Variants in PCSK6 observed in about 807,000 individuals in gnomAD.
PCSK6 encodes the protein paired basic amino acid cleaving enzyme 4.
A neutral mutation model predicts 123.3 loss-of-function variants in PCSK6; 85 were observed. The observed-to-expected ratio is 0.69, with a 90% CI of 0.58 to 0.83. The LOEUF (loss-of-function observed/expected upper bound fraction) is 0.83, where lower values mean the gene tolerates loss of function less well. PCSK6 is among the 40% of genes least tolerant of loss of function. PCSK6 has a pLI of 0.00. For synonymous variants in PCSK6, 508 were observed against 516.0 expected (o/e 0.98, Z 0.21); for missense variants, 1,191 against 1,282.3 (o/e 0.93, Z 1.09).
intron 1 of PCSK6, among the ~76,000 whole-genome samples, chr15:101,463,360 C>A (rs868489508): frequency 3.2e-4 from 49 of 152,182 alleles, no homozygotes; most frequent in African/African-American, 1.1e-3. Flanking sequence ...GGAGACTTGT[C>A]AATACAACCT....
intron 9 of PCSK6, among the ~76,000 whole-genome samples, chr15:101,384,696 T>C (rs1007631262): frequency 2.0e-5 from 3 of 152,250 alleles, no homozygotes; most frequent in South Asian, 2.1e-4. Context: ...CTGCCTGAGT[T>C]TGCCCAGAGC....
chr15:101,447,985 C>T (rs2056936570), intron 1 of PCSK6, among the ~76,000 whole-genome samples: 1 of 152,256 alleles, frequency 6.6e-6, no homozygotes, highest in African/African-American at 2.4e-5. Flanking sequence ...CAGTCCTGCT[C>T]AGCCCCGTGT....
chr15:101,322,695 C>T (rs1032236439), intron 17 of PCSK6, 88 bp from the exon 18 acceptor site: 26 of 816,590 alleles, frequency 3.2e-5, no homozygotes, highest in Admixed American at 6.1e-5. Flanking sequence ...CATTTCAAAG[C>T]GGGGGTGCGG....
Position 101,370,415 on chromosome 15 carries a change from G to A in PCSK6, c.1641C>T (p.Ser547=). The A allele has an allele frequency of 6.4e-7, 1 of 1,552,630 alleles. No individual in the cohort carries two copies. The highest frequency in any genetic ancestry group is 8.7e-7 in the Non-Finnish European group (1 of 1,147,512). ...GGTCTCCTCGGCGTGGGTGTGAGAT[G>A]GAGGTGCGAACCACCACGTGCTCCA... The part of the protein sequence containing the change: ...VYLEHVVVRT[S]ISHPRRGDLQ... The change falls in exon 12 of 22, where the codon TCC becomes TCT. Residue 547 remains serine (S), a synonymous_variant. Coordinates refer to ENST00000611716, the MANE Select transcript of PCSK6 (RefSeq NM_002570.5).
At chr15:101,456,140 C>T (rs2057172139) in intron 1 of PCSK6, among the ~76,000 whole-genome samples, 1 of 152,238 alleles carries the variant, frequency 6.6e-6, no homozygotes, top group African/African-American at 2.4e-5. Flanking sequence ...AAAACTTCAG[C>T]AGCACTAATT....
At chr15:101,381,979 C>G (rs3784487) in intron 11 of PCSK6, 113 bp downstream of exon 11, 155,855 of 679,430 alleles carry the variant, frequency 0.23, 18,618 homozygotes, top group Middle Eastern at 0.31. Context: ...ATCGTGCACA[C>G]GCACATGTGC....
intron 12 of PCSK6, among the ~76,000 whole-genome samples, chr15:101,368,858 A>C (rs2041485550): frequency 6.6e-6 from 1 of 152,136 alleles, no homozygotes; most frequent in African/African-American, 2.4e-5. Context: ...AGGACTTTTA[A>C]AATCTTTAAG....
At chr15:101,378,453 C>G (rs2041814875) in intron 11 of PCSK6, among the ~76,000 whole-genome samples, 1 of 152,250 alleles carries the variant, frequency 6.6e-6, no homozygotes. Context: ...GTGATTTCCT[C>G]TCGCCTCTGC....
At chr15:101,340,016 C>G (rs190111970) in intron 13 of PCSK6, among the ~76,000 whole-genome samples, 7 of 152,030 alleles carry the variant, frequency 4.6e-5, no homozygotes, top group Admixed American at 3.9e-4. Flanking sequence ...AACCTTTACT[C>G]AATAAACACA....
intron 6 of PCSK6, among the ~76,000 whole-genome samples, chr15:101,408,670 G>A (rs979855660): frequency 6.6e-6 from 1 of 152,186 alleles, no homozygotes; most frequent in Non-Finnish European, 1.5e-5. Context: ...ATCCCCCCAA[G>A]CCCCCCAGTG....
chr15:101,478,594 G>T (rs1176073845), intron 1 of PCSK6, among the ~76,000 whole-genome samples: 1 of 152,200 alleles, frequency 6.6e-6, no homozygotes, highest in Non-Finnish European at 1.5e-5. Context: ...CAAGGAGCAA[G>T]ATGCTCGTTC....
At chr15:101,344,816 C>A (rs569730961) in intron 13 of PCSK6, among the ~76,000 whole-genome samples, 282 of 152,136 alleles carry the variant, frequency 1.9e-3, no homozygotes, top group Non-Finnish European at 3.2e-3. Flanking sequence ...CCACCACATG[C>A]GGCTAATTTT....
intron 2 of PCSK6, among the ~76,000 whole-genome samples, chr15:101,436,426 C>T (rs1323849987): frequency 6.6e-6 from 1 of 152,204 alleles, no homozygotes; most frequent in Non-Finnish European, 1.5e-5. Flanking sequence ...ACAGCTCGGC[C>T]AGCTCTTTCT....
chr15:101,459,461 ATTCCCGTCCCCCC>A (rs2057282321), intron 1 of PCSK6, among the ~76,000 whole-genome samples: 1 of 81,916 alleles, frequency 1.2e-5, no homozygotes, highest in African/African-American at 4.2e-5. Flanking sequence ...TGCTGCCACC[ATTCCCGTCCCCCC>A]ACCCTAAGTC....
At chr15:101,457,878 T>G (rs941254551) in intron 1 of PCSK6, among the ~76,000 whole-genome samples, 1 of 152,230 alleles carries the variant, frequency 6.6e-6, no homozygotes, top group African/African-American at 2.4e-5. Flanking sequence ...CTGAAACATT[T>G]TTTAAGTCCA....
At chr15:101,361,699 T>C (rs1186009365) in intron 13 of PCSK6, among the ~76,000 whole-genome samples, 7 of 151,348 alleles carry the variant, frequency 4.6e-5, no homozygotes, top group African/African-American at 1.7e-4. Flanking sequence ...CTGTGGGAGG[T>C]CATTAAAGTT....
chr15:101,475,950 C>A lies in PCSK6; in HGVS notation c.297+13424G>T, dbSNP rs111859031. On this transcript the variant is annotated intron_variant, in intron 1 of 21. Transcript: ENST00000611716. Reference sequence around the variant, plus strand: ...CACTTCTGGGGGCAGTGTCAACTGGCACTATCTGTTGGGAGAGCCATGGCC... The same window carrying A: ...CACTTCTGGGGGCAGTGTCAACTGGAACTATCTGTTGGGAGAGCCATGGCC... Among the ~76,000 whole-genome samples, 392 of 152,314 alleles carry A rather than the reference C, an allele frequency of 2.6e-3. 2 individuals are homozygous for A. The highest frequency in any genetic ancestry group is 7.8e-3 in the African/African-American group (325 of 41,572).
rs140899035 is a variant in PCSK6 at position 101,362,445 on chromosome 15, G to A, written c.1858+3751C>T. Among the ~76,000 whole-genome samples, 1,223 of 152,232 alleles carry A rather than the reference G, an allele frequency of 8.0e-3. 9 individuals are homozygous for A. The highest frequency in any genetic ancestry group is 0.027 in the African/African-American group (1,130 of 41,552). ...GCAGGTACAAGGTGCTCAGTGTCAC[G>A]GGGCTGGATGAGATCCCTGGATGGG... On this transcript the variant is annotated intron_variant, in intron 13 of 21. Coordinates refer to ENST00000611716, the MANE Select transcript of PCSK6 (RefSeq NM_002570.5).
chr15:101,326,914 T>C (rs2040268553), intron 15 of PCSK6, among the ~76,000 whole-genome samples: 1 of 152,172 alleles, frequency 6.6e-6, no homozygotes, highest in South Asian at 2.1e-4. Flanking sequence ...GAGGGGGTGC[T>C]GAGTGTCAGG....
Sources: allele counts gnomAD v4.1 joint callset (sites outside exome capture counted in the v4.1 genomes callset), GRCh38; gene constraint gnomAD v4.1.1; transcripts MANE v1.5; gene names NCBI Gene and HGNC (gene_info 2026-07-23, HGNC 2026-07-21).